Variants in DNAJB6 observed in about 807,000 individuals in gnomAD.
DNAJB6 encodes dnaJ homolog subfamily B member 6.
DNAJB6 carries 16 observed loss-of-function variants against 42.7 expected under a neutral mutation model. That is an observed-to-expected ratio of 0.37 (90% CI 0.25 to 0.57). DNAJB6 has a LOEUF of 0.57. Ranked by LOEUF, DNAJB6 falls within the 20% of genes least tolerant of loss-of-function variation. The probability of loss-of-function intolerance (pLI) is 0.74; values close to 1 mark genes in which losing one functional copy is unlikely to be tolerated. For synonymous variants in DNAJB6, 170 were observed against 163.5 expected, an observed-to-expected ratio of 1.04 and a Z score of -0.30; for missense variants, 347 against 416.8, an observed-to-expected ratio of 0.83 and a Z score of 1.46.
intron 8 of DNAJB6, among the ~76,000 whole-genome samples, chr7:157,402,344 A>G (rs1584944709): frequency 1.3e-5 from 2 of 152,340 alleles, no homozygotes; most frequent in East Asian, 1.9e-4. Context: ...ACAGGCACCC[A>G]TGCTGCCCGT....
intron 5 of DNAJB6, among the ~76,000 whole-genome samples, chr7:157,375,734 T>G (rs1370275703): frequency 6.6e-6 from 1 of 152,174 alleles, no homozygotes; most frequent in African/African-American, 2.4e-5. Context: ...TCTGAAAATG[T>G]GAGTTGTAAT....
chr7:157,367,336 A>C, intron 4 of DNAJB6, 37 bp from the exon 5 acceptor site: 1 of 1,425,998 alleles, frequency 7.0e-7, no homozygotes, highest in Non-Finnish European at 9.9e-7. Flanking sequence ...CAAAGCACCA[A>C]AATTCATAAA....
At chr7:157,376,308 A>G (rs115506041) in intron 5 of DNAJB6, among the ~76,000 whole-genome samples, 1 of 152,118 alleles carries the variant, frequency 6.6e-6, no homozygotes, top group Non-Finnish European at 1.5e-5. Context: ...TGTTCTTTAG[A>G]TAGTCAGTTT....
At chr7:157,356,399 T>C (rs1459961227) in intron 1 of DNAJB6, among the ~76,000 whole-genome samples, 2 of 152,226 alleles carry the variant, frequency 1.3e-5, no homozygotes, top group East Asian at 3.8e-4. Context: ...GGTTTTTAGT[T>C]ACTGAAAGAA....
chr7:157,353,619 G>GTA (rs1554453983), intron 1 of DNAJB6, among the ~76,000 whole-genome samples: 124 of 146,984 alleles, frequency 8.4e-4, no homozygotes, highest in African/African-American at 2.8e-3. Flanking sequence ...GTGTGTGTGT[G>GTA]TGTATGTATT....
intron 6 of DNAJB6, among the ~76,000 whole-genome samples, chr7:157,383,409 T>C (rs935046398): frequency 6.6e-6 from 1 of 152,210 alleles, no homozygotes; most frequent in Non-Finnish European, 1.5e-5. Context: ...GTCAGAATTT[T>C]ATTTTCTTTG....
chr7:157,346,242 T>C (rs2116876317), intron 1 of DNAJB6, among the ~76,000 whole-genome samples: 1 of 148,756 alleles, frequency 6.7e-6, no homozygotes, highest in Middle Eastern at 3.5e-3. Context: ...TGAATCCATG[T>C]ATTTTACACT....
chr7:157,363,094 G>A (rs1799683989), intron 2 of DNAJB6, 67 bp from the exon 3 acceptor site: 1 of 1,115,054 alleles, frequency 9.0e-7, no homozygotes, highest in African/African-American at 1.5e-5. Context: ...GGTTAATGAT[G>A]TTAGTTTCAA....
intron 5 of DNAJB6, chr7:157,379,147 A>AG (rs1404490448): frequency 1.3e-5 from 2 of 152,186 alleles, no homozygotes; most frequent in Non-Finnish European, 2.9e-5. Context: ...CCAGCTTTTG[A>AG]GGTAGCTTCT....
chr7:157,395,681 TTTC>T (rs1314288205), intron 8 of DNAJB6, among the ~76,000 whole-genome samples: 4 of 150,548 alleles, frequency 2.7e-5, no homozygotes, highest in African/African-American at 9.8e-5. Context: ...CGTTTTTTCT[TTTC>T]TTTTTTTTTT....
At chr7:157,359,292 AAAT>A (rs967312641) in intron 2 of DNAJB6, among the ~76,000 whole-genome samples, 6 of 152,210 alleles carry the variant, frequency 3.9e-5, no homozygotes, top group Admixed American at 2.0e-4. Flanking sequence ...AATTGTTAAT[AAAT>A]AATGGAGTGT....
At chr7:157,374,439 A>T (rs1056863815) in intron 5 of DNAJB6, among the ~76,000 whole-genome samples, 14 of 152,004 alleles carry the variant, frequency 9.2e-5, no homozygotes, top group African/African-American at 3.1e-4. Flanking sequence ...TTGTATTTTT[A>T]TGAGAGACAG....
chr7:157,384,230 A>G (rs982942496), intron 6 of DNAJB6, among the ~76,000 whole-genome samples: 2 of 152,252 alleles, frequency 1.3e-5, no homozygotes, highest in African/African-American at 4.8e-5. Flanking sequence ...AATGGTGTTC[A>G]TGAACTGTAG....
chr7:157,337,474 C>T (rs1457709013), intron 1 of DNAJB6: 1 of 152,434 alleles, frequency 6.6e-6, no homozygotes, highest in Non-Finnish European at 1.5e-5. Context: ...CCGGCTGGGG[C>T]TCGGCTGGGG....
At chr7:157,398,244 G>A (rs1205502140) in intron 8 of DNAJB6, among the ~76,000 whole-genome samples, 2 of 152,220 alleles carry the variant, frequency 1.3e-5, no homozygotes, top group Admixed American at 6.5e-5. Flanking sequence ...CCAGTGCCTG[G>A]CACACATTAA....
At chr7:157,385,134 C>G (rs1462261300) in intron 7 of DNAJB6, 126 bp downstream of exon 7, 2 of 988,490 alleles carry the variant, frequency 2.0e-6, no homozygotes, top group South Asian at 1.9e-5. Flanking sequence ...CCATGAAAAT[C>G]TTTTGCTCTC....
At chr7:157,354,297 G>C (rs1332584782) in intron 1 of DNAJB6, among the ~76,000 whole-genome samples, 1 of 151,920 alleles carries the variant, frequency 6.6e-6, no homozygotes, top group Non-Finnish European at 1.5e-5. Flanking sequence ...ACAGGCATGC[G>C]CTACCACGCC....
chr7:157,384,398 G>A (rs1027214391), intron 6 of DNAJB6, among the ~76,000 whole-genome samples: 6 of 152,206 alleles, frequency 3.9e-5, no homozygotes, highest in Non-Finnish European at 5.9e-5. Context: ...TTCCTGTGGG[G>A]TAAGAGTGTC....
rs145633960 is a variant in DNAJB6, at chr7:157,361,857, C to T, written c.66-1304C>T. 6.4e-4 allele frequency among the ~76,000 whole-genome samples: 97 copies of T among 152,320 alleles called. 1 individual carries two copies. In the East Asian group the frequency reaches 0.016, roughly 25 times the overall value. Reference sequence around the variant, plus strand: ...GATGTTGGCTCACTGCAACCTCTTTCTCCTGGGTTCAAGCAATTCTTCTGT... The same window carrying T: ...GATGTTGGCTCACTGCAACCTCTTTTTCCTGGGTTCAAGCAATTCTTCTGT... On this transcript the variant is annotated intron_variant, in intron 2 of 9. Coordinates refer to ENST00000262177, the MANE Select transcript of DNAJB6 (RefSeq NM_058246.4).
Sources: gnomAD v4.1 joint callset for allele counts (sites outside exome capture counted in the v4.1 genomes callset) on GRCh38, gnomAD v4.1.1 for gene constraint, MANE v1.5 for transcripts, NCBI Gene and HGNC (gene_info 2026-07-23, HGNC 2026-07-21) for gene names.